FAM184A: variants seen among roughly 807,000 people sequenced by gnomAD.
The protein encoded by FAM184A is protein FAM184A.
A neutral mutation model predicts 143.8 loss-of-function variants in FAM184A; 99 were observed. That is an observed-to-expected ratio of 0.69 (90% CI 0.58 to 0.81). The LOEUF is 0.81. Among genes scored for constraint, FAM184A ranks in the 40% least tolerant of loss-of-function variants. FAM184A has a pLI of 0.00. For missense variants in FAM184A, 1,217 were observed against 1,310.5 expected, an observed-to-expected ratio of 0.93 and a Z score of 1.10; for synonymous variants, 427 against 446.4, an observed-to-expected ratio of 0.96 and a Z score of 0.55.
At position 118,980,287 on chromosome 6, in the gene FAM184A, G is replaced by A. The variant is rs753041156; in HGVS notation, c.2152C>T (p.Leu718=). The A allele has an allele frequency of 3.1e-6, 5 of 1,614,108 alleles. No homozygotes were observed. In the Admixed American group the frequency reaches 5.0e-5, roughly 16 times the overall value. The change falls in exon 10 of 18, where the codon CTG becomes TTG. Residue 718 remains leucine (L), a synonymous_variant. Coordinates refer to ENST00000338891, the MANE Select transcript of FAM184A (RefSeq NM_024581.6). ...LSQSQTSLQQ[L]QAQFTQERQR... The stretch of plus-strand genomic sequence containing the variant: ...CGTTCTTGCGTAAACTGGGCTTGCA[G>A]TTGTTGCAAAGAAGTCTGAGACTGG...
At chr6:119,068,742 C>G (rs376327005) in intron 1 of FAM184A, among the ~76,000 whole-genome samples, 7 of 152,108 alleles carry the variant, frequency 4.6e-5, no homozygotes, top group African/African-American at 1.7e-4. Flanking sequence ...GTTTCCAAGA[C>G]TGAAATTTCC....
At chr6:119,030,932 T>G (rs1365452059) in intron 1 of FAM184A, among the ~76,000 whole-genome samples, 1 of 152,168 alleles carries the variant, frequency 6.6e-6, no homozygotes, top group African/African-American at 2.4e-5. Context: ...TAACATTTCA[T>G]AGTTCCGTTT....
chr6:119,040,884 AG>A (rs1300046111), intron 1 of FAM184A, among the ~76,000 whole-genome samples: 1 of 152,142 alleles, frequency 6.6e-6, no homozygotes, highest in Non-Finnish European at 1.5e-5. Context: ...GCAAGTCCTC[AG>A]GGGTTACTGA....
chr6:119,124,722 C>T (rs1789311036), intron 1 of FAM184A, among the ~76,000 whole-genome samples: 1 of 150,140 alleles, frequency 6.7e-6, no homozygotes, highest in African/African-American at 2.5e-5. Context: ...TGAACAAACA[C>T]CCAATTAGAA....
intron 1 of FAM184A, among the ~76,000 whole-genome samples, chr6:119,136,671 C>G (rs680402): frequency 6.6e-6 from 1 of 152,158 alleles, no homozygotes; most frequent in East Asian, 1.9e-4. Flanking sequence ...TGGGACTTGT[C>G]GGGCAGTATT....
At chr6:119,086,830 G>A (rs778692889) in intron 1 of FAM184A, among the ~76,000 whole-genome samples, 26 of 152,152 alleles carry the variant, frequency 1.7e-4, no homozygotes, top group Non-Finnish European at 2.8e-4. Context: ...TAAACAAGGA[G>A]ACTAGTTAGC....
At chr6:119,090,182 T>G (rs749856771) in intron 1 of FAM184A, among the ~76,000 whole-genome samples, 16 of 152,226 alleles carry the variant, frequency 1.1e-4, no homozygotes, top group Non-Finnish European at 1.9e-4. Context: ...GGAAAAGCCA[T>G]TGAAGGACAC....
At chr6:119,078,845 G>C (rs1321685524), upstream of FAM184A, 3 of 153,684 alleles carry the variant, frequency 2.0e-5, no homozygotes, top group African/African-American at 7.2e-5. The surrounding 1 kb of genome is among the most constrained non-coding windows in gnomAD (Gnocchi z 5.5). Flanking sequence ...CCCGCGGCCA[G>C]TGCGGGCGCC....
chr6:118,983,477 T>A (rs1784079164), intron 9 of FAM184A, among the ~76,000 whole-genome samples: 1 of 152,154 alleles, frequency 6.6e-6, no homozygotes, highest in Admixed American at 6.5e-5. Context: ...GAATAAAGAA[T>A]GAGAACAAGT....
chr6:119,145,613 C>T (rs4946400), intron 1 of FAM184A, among the ~76,000 whole-genome samples: 7,538 of 152,244 alleles, frequency 0.05, 509 homozygotes, highest in Admixed American at 0.2. Context: ...TTCTTATTTT[C>T]AGTAGTCTGC....
rs1169020997 is a variant in FAM184A at position 119,146,375 on chromosome 6, AG to A, written c.-202+2702del. Reference sequence around the variant, plus strand: ...AAAAATTATATACCATCTGCTCTTCAGTGCCTTTCCCGATTAACTTACGTGT... The same window carrying A: ...AAAAATTATATACCATCTGCTCTTCATGCCTTTCCCGATTAACTTACGTGT... On this transcript the variant is annotated intron_variant, in intron 1 of 16. Coordinates refer to the FAM184A transcript ENST00000352896. Among the ~76,000 whole-genome samples, 3 of 147,020 alleles carry A rather than the reference AG, an allele frequency of 2.0e-5. No individual in the cohort carries two copies. In the East Asian group the frequency reaches 6.0e-4, roughly 29 times the overall value.
chr6:119,073,189 G>A (rs145455860), intron 1 of FAM184A, among the ~76,000 whole-genome samples: 1 of 152,336 alleles, frequency 6.6e-6, no homozygotes, highest in Non-Finnish European at 1.5e-5. Context: ...AACAAGGGTA[G>A]CTGGTCAGGA....
chr6:119,132,772 A>G (rs1399394555), intron 1 of FAM184A, among the ~76,000 whole-genome samples: 1 of 152,260 alleles, frequency 6.6e-6, no homozygotes, highest in African/African-American at 2.4e-5. Context: ...GGAAGTTGGC[A>G]CGTGAGGTGA....
intron 1 of FAM184A, among the ~76,000 whole-genome samples, chr6:119,059,684 T>C (rs1582568091): frequency 6.6e-6 from 1 of 152,204 alleles, no homozygotes; most frequent in East Asian, 1.9e-4. Flanking sequence ...TGAAGCAAAA[T>C]GCTGTGCACC....
intron 1 of FAM184A, among the ~76,000 whole-genome samples, chr6:119,088,654 T>C (rs984746654): frequency 7.2e-5 from 11 of 152,134 alleles, no homozygotes; most frequent in African/African-American, 1.9e-4. Flanking sequence ...TTTTCAGGTC[T>C]TTTATTTGCA....
chr6:119,091,858 G>A (rs2114821294), intron 1 of FAM184A, among the ~76,000 whole-genome samples: 1 of 152,312 alleles, frequency 6.6e-6, no homozygotes, highest in African/African-American at 2.4e-5. Context: ...AGATACAGTA[G>A]CTATGCCAGC....
At chr6:119,145,111 A>C (rs1213730772) in intron 1 of FAM184A, among the ~76,000 whole-genome samples, 1 of 152,176 alleles carries the variant, frequency 6.6e-6, no homozygotes, top group African/African-American at 2.4e-5. Flanking sequence ...CTTGAGTGGC[A>C]CTGGCCAGAG....
At chr6:119,006,975 TA>T (rs1276869235) in intron 6 of FAM184A, among the ~76,000 whole-genome samples, 1 of 152,234 alleles carries the variant, frequency 6.6e-6, no homozygotes, top group African/African-American at 2.4e-5. Context: ...AACCATCCTT[TA>T]AAATTTAATC....
At chr6:119,141,297 C>G (rs931229517) in intron 1 of FAM184A, among the ~76,000 whole-genome samples, 8 of 152,144 alleles carry the variant, frequency 5.3e-5, no homozygotes, top group Non-Finnish European at 1.2e-4. Flanking sequence ...ACCAGGTGGC[C>G]CTGTCCAAGC....
Sources: gnomAD v4.1 joint callset for allele counts (sites outside exome capture counted in the v4.1 genomes callset) on GRCh38, gnomAD v4.1.1 for gene constraint, Gnocchi (gnomAD v3.1) non-coding constraint, MANE v1.5 for transcripts, NCBI Gene and HGNC (gene_info 2026-07-23, HGNC 2026-07-21) for gene names.